CSMD2: variants seen among roughly 807,000 people sequenced by gnomAD.
CSMD2 encodes the protein CUB and Sushi multiple domains 2, also known as CUB and sushi domain-containing protein 2.
In CSMD2, 130 loss-of-function variants were observed where a neutral mutation model predicts 398.5. The observed-to-expected ratio is 0.33, with a 90% CI of 0.28 to 0.38. CSMD2 has a LOEUF of 0.38. Among genes scored for constraint, CSMD2 ranks in the 10% least tolerant of loss-of-function variants. CSMD2 has a pLI of 1.00. For missense variants in CSMD2, 3,829 were observed against 4,764.9 expected (o/e 0.80, Z 5.78); for synonymous variants, 1,828 against 1,908.5 (o/e 0.96, Z 1.10).
chr1:33,799,026 GCTGT>G (rs1655288477), intron 10 of CSMD2, among the ~76,000 whole-genome samples: 1 of 152,310 alleles, frequency 6.6e-6, no homozygotes, highest in Admixed American at 6.5e-5. Context: ...TCCTAACTGG[GCTGT>G]CTGTCTCTGC....
chr1:33,676,485 C>T (rs1644715845), intron 25 of CSMD2, among the ~76,000 whole-genome samples: 1 of 152,204 alleles, frequency 6.6e-6, no homozygotes, highest in Non-Finnish European at 1.5e-5. Context: ...AAAGAACATT[C>T]CATGCTCATG....
intron 47 of CSMD2, among the ~76,000 whole-genome samples, chr1:33,581,587 GAAA>G (rs1255196916): frequency 8.6e-6 from 1 of 115,692 alleles, no homozygotes; most frequent in Admixed American, 8.3e-5. Flanking sequence ...CTGCCATATA[GAAA>G]AAAATATTTA....
At chr1:33,798,763 G>A (rs1436149713) in intron 10 of CSMD2, among the ~76,000 whole-genome samples, 1 of 152,220 alleles carries the variant, frequency 6.6e-6, no homozygotes, top group Non-Finnish European at 1.5e-5. Flanking sequence ...CAGCCACCTT[G>A]TCCTGAGAAT....
chr1:33,620,284 A>T (rs114727564), intron 37 of CSMD2, among the ~76,000 whole-genome samples: 133 of 152,344 alleles, frequency 8.7e-4, no homozygotes, highest in African/African-American at 3.0e-3. Context: ...ATTTGCCTGT[A>T]CAATAGCAGT....
At chr1:33,555,446 T>C (rs1657866135) in intron 55 of CSMD2, among the ~76,000 whole-genome samples, 1 of 152,236 alleles carries the variant, frequency 6.6e-6, no homozygotes, top group African/African-American at 2.4e-5. Flanking sequence ...ATGAAGTTAG[T>C]TGATAAAGTG....
chr1:33,610,517 G>A (rs1347129136), intron 41 of CSMD2, among the ~76,000 whole-genome samples: 2 of 152,274 alleles, frequency 1.3e-5, no homozygotes, highest in East Asian at 1.9e-4. Flanking sequence ...GGCCGGTCAC[G>A]GGATCCCACT....
At chr1:33,745,719 T>C (rs920339426) in intron 13 of CSMD2, among the ~76,000 whole-genome samples, 3 of 152,304 alleles carry the variant, frequency 2.0e-5, no homozygotes, top group East Asian at 3.9e-4. Context: ...CTCATCCCTG[T>C]AATCCATGTA....
intron 12 of CSMD2, among the ~76,000 whole-genome samples, chr1:33,773,398 C>T (rs766890493): frequency 6.6e-6 from 1 of 152,218 alleles, no homozygotes; most frequent in Non-Finnish European, 1.5e-5. Context: ...AAACAAATGA[C>T]TCATTGAGTA....
intron 5 of CSMD2, among the ~76,000 whole-genome samples, chr1:33,913,852 T>A (rs899591321): frequency 6.6e-6 from 1 of 151,968 alleles, no homozygotes; most frequent in Non-Finnish European, 1.5e-5. Flanking sequence ...TGGAGAGTGT[T>A]GGGTATGAGA....
intron 22 of CSMD2, among the ~76,000 whole-genome samples, chr1:33,708,542 G>A (rs767887942): frequency 6.6e-6 from 1 of 151,446 alleles, no homozygotes; most frequent in Non-Finnish European, 1.5e-5. Context: ...CCATGTTGAC[G>A]GTCAGGGCTC....
intron 44 of CSMD2, among the ~76,000 whole-genome samples, chr1:33,594,635 T>C (rs1446406422): frequency 6.6e-6 from 1 of 152,236 alleles, no homozygotes; most frequent in Admixed American, 6.5e-5. Context: ...CTTTGTCCAC[T>C]GGGTCTCCTT....
At chr1:33,736,087 C>T (rs970292896) in intron 15 of CSMD2, among the ~76,000 whole-genome samples, 1 of 152,312 alleles carries the variant, frequency 6.6e-6, no homozygotes, top group East Asian at 1.9e-4. Flanking sequence ...GAAAACCGAG[C>T]GGGCTCTCCC....
chr1:33,718,411 T>C (rs1472313477), intron 19 of CSMD2, among the ~76,000 whole-genome samples: 1 of 152,198 alleles, frequency 6.6e-6, no homozygotes, highest in Non-Finnish European at 1.5e-5. Context: ...TGAATCCAGA[T>C]TTGATGTGAC....
chr1:34,076,929 ATATATATATATAT>A (rs1310193926), intron 2 of CSMD2, among the ~76,000 whole-genome samples: 19 of 47,336 alleles, frequency 4.0e-4, no homozygotes, highest in African/African-American at 1.7e-3. Context: ...AAAAAAAAAA[ATATATATATATAT>A]ATATATATAT....
chr1:33,740,675 T>C (rs1438128010), intron 14 of CSMD2, among the ~76,000 whole-genome samples: 1 of 152,146 alleles, frequency 6.6e-6, no homozygotes. Flanking sequence ...TTGGAAACTA[T>C]GACCACGAAG....
At chr1:33,730,615 A>G (rs1646687329) in intron 15 of CSMD2, among the ~76,000 whole-genome samples, 2 of 120,274 alleles carry the variant, frequency 1.7e-5, no homozygotes, top group African/African-American at 5.0e-5. Context: ...ACAAAAAGAA[A>G]TGAAAAAAAA....
intron 3 of CSMD2, among the ~76,000 whole-genome samples, chr1:34,028,672 T>G (rs1451057244): frequency 6.6e-6 from 1 of 152,236 alleles, no homozygotes; most frequent in Non-Finnish European, 1.5e-5. Context: ...AGGCTCAGCA[T>G]GTACTTCTGT....
chr1:33,926,131 C>A (rs148374725), intron 4 of CSMD2, among the ~76,000 whole-genome samples: 2 of 152,320 alleles, frequency 1.3e-5, no homozygotes, highest in East Asian at 3.9e-4. Context: ...TCCATGAGAA[C>A]AGAGGCCATG....
intron 13 of CSMD2, among the ~76,000 whole-genome samples, chr1:33,754,346 C>T (rs1648694021): frequency 2.0e-5 from 3 of 152,150 alleles, no homozygotes; most frequent in Non-Finnish European, 4.4e-5. Flanking sequence ...ACCTACCCCA[C>T]CCCCATCTTG....
Sources: allele counts gnomAD v4.1 joint callset (sites outside exome capture counted in the v4.1 genomes callset), GRCh38; gene constraint gnomAD v4.1.1; transcripts MANE v1.5; gene names NCBI Gene and HGNC (gene_info 2026-07-23, HGNC 2026-07-21).